FAM181B: variants seen among roughly 807,000 people sequenced by gnomAD.
FAM181B encodes protein FAM181B.
Under a neutral mutation model 17.8 loss-of-function variants are expected in FAM181B, and 13 were observed. That is an observed-to-expected ratio of 0.73 (90% CI 0.48 to 1.16). FAM181B has a LOEUF of 1.16. FAM181B is among the 50% of genes most tolerant of loss of function. The pLI is 0.00. For missense variants in FAM181B, 725 were observed against 634.1 expected (o/e 1.14, Z -1.54); for synonymous variants, 338 against 316.5 (o/e 1.07, Z -0.72).
Position 82,733,200 on chromosome 11 carries a change from C to G in FAM181B, c.530G>C (p.Gly177Ala). Residue 177 changes from glycine to alanine, a missense_variant, in exon 1 of 1, where the codon GGG (glycine) becomes GCG (alanine). Transcript: ENST00000329203. ...CTCACCCCCCGCCGGCTCGGCACCC[C>G]CGGGGACGTGGCGCAGCGAGTCGAA... is the stretch of plus-strand genomic sequence containing the variant. ...ALFDSLRHVP[G>A]GAEPAGGEVA... 2 of 1,325,630 alleles carry G rather than the reference C, an allele frequency of 1.5e-6. No individual in the cohort carries two copies. Among genetic ancestry groups the G allele is most frequent in the Non-Finnish European group, 1.9e-6 (2 of 1,045,984 alleles). The allele number at this position is 1,325,630 out of a possible 1,614,324, so 82.1% of individuals were successfully genotyped here. A position where few individuals can be genotyped will look rare whatever the true frequency, so the allele number is the denominator to read the frequency against.
Position 82,733,160 on chromosome 11 carries a change from C to T in FAM181B, c.570G>A (p.Ala190=). The change falls in exon 1 of 1, where the codon GCG becomes GCA. Residue 190 remains alanine (A), a synonymous_variant. Transcript: ENST00000329203. The part of the protein sequence containing the change: ...EPAGGEVAAP[A]AGLGGAGTGG... The stretch of plus-strand genomic sequence containing the variant: ...CAGTGCCCGCACCTCCTAGCCCGGC[C>T]GCCGGCGCAGCCACCTCACCCCCCG... The T allele has an allele frequency of 2.1e-6, 3 of 1,402,526 alleles. No homozygotes were observed. Among genetic ancestry groups the T allele is most frequent in the South Asian group, 3.1e-5 (2 of 63,846 alleles). 86.9% of individuals were successfully genotyped at this position (1,402,526 alleles called of 1,614,324 possible). A position where few individuals can be genotyped will look rare whatever the true frequency, so the allele number is the denominator to read the frequency against.
Position 82,732,939 on chromosome 11 carries a change from A to C in FAM181B, c.791T>G (p.Phe264Cys), listed in dbSNP as rs1857154455. ...DLEKGAEAVEFFELLGPDYGA... is the reference protein window; with the variant it reads ...DLEKGAEAVECFELLGPDYGA... ...GTAGTCGGGCCCCAGCAGCTCAAAG[A>C]ACTCCACGGCCTCCGCGCCCTTCTC... The change falls in exon 1 of 1, where the codon TTC becomes TGC. Residue 264 changes from phenylalanine (F) to cysteine (C), a missense_variant. Physicochemically the swap from Phe to Cys is radical, Grantham distance 205. Coordinates refer to ENST00000329203, the MANE Select transcript of FAM181B (RefSeq NM_175885.4). The C allele has an allele frequency of 6.3e-7, 1 of 1,576,436 alleles. No homozygotes were observed. The highest frequency in any genetic ancestry group is 8.6e-7 in the Non-Finnish European group (1 of 1,167,544).
In FAM181B at chr11:82,733,659, C is replaced by G; in HGVS notation, c.71G>C (p.Gly24Ala). 6.4e-7 allele frequency: 1 copy of G among 1,571,374 alleles called. No homozygotes were observed. The highest frequency in any genetic ancestry group is 8.6e-7 in the Non-Finnish European group (1 of 1,164,154). Residue 24 changes from glycine to alanine, a missense_variant, in exon 1 of 1, where the codon GGG becomes GCG. Gly to Ala is a moderately conservative substitution (Grantham distance 60). Coordinates refer to ENST00000329203, the MANE Select transcript of FAM181B (RefSeq NM_175885.4). ...VPFGFGGSPD[G>A]LGGAFGALDK... Reference sequence around the variant, plus strand: ...CAGGGCTCCGAAGGCGCCCCCTAGCCCGTCCGGGGAGCCCCCGAAGCCGAA... The same window carrying G: ...CAGGGCTCCGAAGGCGCCCCCTAGCGCGTCCGGGGAGCCCCCGAAGCCGAA...
chr11:82,730,366 A>C lies in FAM181B; in HGVS notation c.*2083T>G, dbSNP rs1857115183. The stretch of plus-strand genomic sequence containing the variant: ...AACGTATAGCAAGCAAAACAGTAGG[A>C]GAGAGATAACCTGTTTTACTACACT... On this transcript the variant is annotated 3_prime_UTR_variant, in exon 1 of 1. Coordinates refer to ENST00000329203, the MANE Select transcript of FAM181B (RefSeq NM_175885.4). The C allele has an allele frequency of 6.6e-6, 1 of 152,216 alleles. No homozygotes were observed. Among genetic ancestry groups the C allele is most frequent in the African/African-American group, 2.4e-5 (1 of 41,452 alleles). 9.4% of individuals were successfully genotyped at this position (152,216 alleles called of 1,614,324 possible). A position where few individuals can be genotyped will look rare whatever the true frequency, so the allele number is the denominator to read the frequency against.
rs1298350856 is a variant in FAM181B at position 82,733,418 on chromosome 11, G to A, written c.312C>T (p.Cys104=). 1.3e-6 allele frequency: 2 copies of A among 1,547,914 alleles called. No homozygotes were observed. The highest frequency in any genetic ancestry group is 3.9e-5 in the Admixed American group (2 of 51,782). The change falls in exon 1 of 1, where the codon TGC becomes TGT. Residue 104 remains cysteine, a synonymous_variant. Transcript: ENST00000329203. ...RKYLQKQIKR[C]SGLMGAAPPG... ...GGGGCGCGGCGCCCATGAGGCCGCT[G>A]CAGCGCTTGATCTGCTTCTGCAGGT...
rs1448002181 is a variant in FAM181B at position 82,733,654 on chromosome 11, C to T, written c.76G>A (p.Gly26Arg). 3.2e-6 allele frequency: 5 copies of T among 1,577,240 alleles called. No homozygotes were observed. The highest frequency in any genetic ancestry group is 4.3e-6 in the Non-Finnish European group (5 of 1,167,240). ...TTGTCCAGGGCTCCGAAGGCGCCCC[C>T]TAGCCCGTCCGGGGAGCCCCCGAAG... The part of the protein sequence containing the change: ...FGFGGSPDGL[G>R]GAFGALDKGC... Residue 26 changes from glycine to arginine, a missense_variant, in exon 1 of 1, where the codon GGG (glycine) becomes AGG (arginine). Physicochemically the swap from Gly to Arg is moderately radical, Grantham distance 125 (BLOSUM62 -2). Coordinates refer to ENST00000329203, the MANE Select transcript of FAM181B (RefSeq NM_175885.4).
chr11:82,733,148 T>C lies in FAM181B; in HGVS notation c.582A>G (p.Gly194=). 1.4e-6 allele frequency: 2 copies of C among 1,414,294 alleles called. No homozygotes were observed. The highest frequency in any genetic ancestry group is 1.8e-6 in the Non-Finnish European group (2 of 1,093,006). 87.6% of individuals were successfully genotyped at this position (1,414,294 alleles called of 1,614,324 possible). A position where few individuals can be genotyped will look rare whatever the true frequency, so the allele number is the denominator to read the frequency against. ...CTCCCGCGCCCCCAGTGCCCGCACC[T>C]CCTAGCCCGGCCGCCGGCGCAGCCA... is the stretch of plus-strand genomic sequence containing the variant. ...GEVAAPAAGL[G]GAGTGGAGGD... The change falls in exon 1 of 1, where the codon GGA becomes GGG. Residue 194 remains glycine, a synonymous_variant. Coordinates refer to ENST00000329203, the MANE Select transcript of FAM181B (RefSeq NM_175885.4).
In FAM181B at chr11:82,732,866, G is replaced by A. The variant is rs1379253083; in HGVS notation, c.864C>T (p.Asp288=). ...GTACGGAGGCTCCGGCGGGGAACAC[G>A]TCGAGAGGCTCGGCGGCAAGCAAGA... ...AAVLLAAEPL[D]VFPAGASVLR... Residue 288 remains aspartate, a synonymous_variant, in exon 1 of 1, where the codon GAC becomes GAT. Coordinates refer to ENST00000329203, the MANE Select transcript of FAM181B (RefSeq NM_175885.4). 6.5e-7 allele frequency: 1 copy of A among 1,542,570 alleles called. No homozygotes were observed.
rs1017232319 is a variant in FAM181B at position 82,733,731 on chromosome 11, G to A, written c.-2C>T. ...GAGGAGCGCCGCCTGCACCGCCATCGCCGCGGCTCCCGGGCTGTCCGCAGC... is the reference window on the plus strand; with the variant it reads ...GAGGAGCGCCGCCTGCACCGCCATCACCGCGGCTCCCGGGCTGTCCGCAGC... On this transcript the variant is annotated 5_prime_UTR_variant, in exon 1 of 1. Coordinates refer to ENST00000329203, the MANE Select transcript of FAM181B (RefSeq NM_175885.4). 9 of 1,411,054 alleles carry A rather than the reference G, an allele frequency of 6.4e-6. No homozygotes were observed. The highest frequency in any genetic ancestry group is 2.8e-5 in the Admixed American group (1 of 35,884). 87.4% of individuals were successfully genotyped at this position (1,411,054 alleles called of 1,614,324 possible).
Position 82,732,501 on chromosome 11 carries a change from G to C in FAM181B, c.1229C>G (p.Ser410Cys). The C allele has an allele frequency of 6.2e-7, 1 of 1,613,052 alleles. No individual in the cohort carries two copies. The highest frequency in any genetic ancestry group is 1.3e-5 in the African/African-American group (1 of 75,034). The change falls in exon 1 of 1, where the codon TCC (serine) becomes TGC (cysteine). Residue 410 changes from serine (S) to cysteine (C), a missense_variant. Coordinates refer to ENST00000329203, the MANE Select transcript of FAM181B (RefSeq NM_175885.4). ...CGGCGCCCCTTCCCAAACCCCGTCGGATCTCCAAAGGCTGGAATAGGCGGT... is the reference window on the plus strand; with the variant it reads ...CGGCGCCCCTTCCCAAACCCCGTCGCATCTCCAAAGGCTGGAATAGGCGGT... ...SRTAYSSLWR[S>C]DGVWEGAPGE... is the part of the protein sequence containing the mutation.
chr11:82,732,962 C>G lies in FAM181B; in HGVS notation c.768G>C (p.Glu256Asp). The G allele has an allele frequency of 6.3e-7, 1 of 1,574,840 alleles. No individual in the cohort carries two copies. Among genetic ancestry groups the G allele is most frequent in the Non-Finnish European group, 8.6e-7 (1 of 1,168,336 alleles). The change falls in exon 1 of 1, where the codon GAG (glutamate) becomes GAC (aspartate). Residue 256 changes from glutamate (E) to aspartate (D), a missense_variant. By Grantham distance (45) the Glu-to-Asp change is conservative (BLOSUM62 2). Coordinates refer to ENST00000329203, the MANE Select transcript of FAM181B (RefSeq NM_175885.4). The part of the protein sequence containing the change: ...SGPDVSLGDL[E>D]KGAEAVEFFE... ...AGAACTCCACGGCCTCCGCGCCCTT[C>G]TCCAGGTCGCCCAAGCTCACGTCCG...
rs1385276059 is a variant in FAM181B, at chr11:82,730,007, AC to A, written c.*2441del. 3 of 152,380 alleles carry A rather than the reference AC, an allele frequency of 2.0e-5. No individual in the cohort carries two copies. Among genetic ancestry groups the A allele is most frequent in the Admixed American group, 1.3e-4 (2 of 15,284 alleles). 9.4% of individuals were successfully genotyped at this position (152,380 alleles called of 1,614,324 possible). A position where few individuals can be genotyped will look rare whatever the true frequency, so the allele number is the denominator to read the frequency against. ...ATGGCTGGGAGGCCTCATGAAACTTACAATCATGGCAGAAGGTGAAGCAGCA... is the reference window on the plus strand; with the variant it reads ...ATGGCTGGGAGGCCTCATGAAACTTAAATCATGGCAGAAGGTGAAGCAGCA... On this transcript the variant is annotated 3_prime_UTR_variant, in exon 1 of 1. Coordinates refer to ENST00000329203, the MANE Select transcript of FAM181B (RefSeq NM_175885.4).
In FAM181B at chr11:82,733,556, G is replaced by A. The variant is rs759417811; in HGVS notation, c.174C>T (p.Asp58=). ...GALLSGAEGG[D]VREATRDLLS... is the part of the protein sequence containing the mutation. ...GTAGATCGCGGGTGGCCTCGCGCAC[G>A]TCCCCTCCTTCGGCTCCCGACAGCA... Residue 58 remains aspartate, a synonymous_variant, in exon 1 of 1, where the codon GAC becomes GAT. Coordinates refer to ENST00000329203, the MANE Select transcript of FAM181B (RefSeq NM_175885.4). 1 of 1,601,768 alleles carries A rather than the reference G, an allele frequency of 6.2e-7. No individual in the cohort carries two copies. Among genetic ancestry groups the A allele is most frequent in the South Asian group, 1.1e-5 (1 of 90,504 alleles).
At position 82,730,512 on chromosome 11, in the gene FAM181B, T is replaced by C. The variant is rs1857117158; in HGVS notation, c.*1937A>G. 6.6e-6 allele frequency: 1 copy of C among 152,154 alleles called. No individual in the cohort carries two copies. The allele number at this position is 152,154 out of a possible 1,614,324, so 9.4% of individuals were successfully genotyped here. On this transcript the variant is annotated 3_prime_UTR_variant, in exon 1 of 1. Transcript: ENST00000329203. ...GTATCCTGGATTGTATTCACAACAGTTTAGACAAATTAAATCGTTATTAAG... is the reference window on the plus strand; with the variant it reads ...GTATCCTGGATTGTATTCACAACAGCTTAGACAAATTAAATCGTTATTAAG...
Position 82,732,550 on chromosome 11 carries a change from C to A in FAM181B, c.1180G>T (p.Asp394Tyr). Residue 394 changes from aspartate to tyrosine, a missense_variant, in exon 1 of 1, where the codon GAT (aspartate) becomes TAT (tyrosine). Coordinates refer to ENST00000329203, the MANE Select transcript of FAM181B (RefSeq NM_175885.4). The part of the protein sequence containing the change: ...PPPPPHQVSY[D>Y]YSAGYSRTAY... ...GTGCGGCTGTAGCCCGCGCTGTAATCGTAGGACACCTGATGGGGCGGCGGC... is the reference window on the plus strand; with the variant it reads ...GTGCGGCTGTAGCCCGCGCTGTAATAGTAGGACACCTGATGGGGCGGCGGC... The A allele has an allele frequency of 6.2e-7, 1 of 1,611,562 alleles. No homozygotes were observed. The highest frequency in any genetic ancestry group is 2.2e-5 in the East Asian group (1 of 44,816).
Position 82,732,504 on chromosome 11 carries a change from C to T in FAM181B, c.1226G>A (p.Arg409Lys). The change falls in exon 1 of 1, where the codon AGA becomes AAA. Residue 409 changes from arginine (R) to lysine (K), a missense_variant. Arg to Lys is a conservative substitution (Grantham distance 26). Coordinates refer to ENST00000329203, the MANE Select transcript of FAM181B (RefSeq NM_175885.4). ...CGCCCCTTCCCAAACCCCGTCGGAT[C>T]TCCAAAGGCTGGAATAGGCGGTGCG... ...YSRTAYSSLW[R>K]SDGVWEGAPG... is the part of the protein sequence containing the mutation. 1 of 1,613,064 alleles carries T rather than the reference C, an allele frequency of 6.2e-7. No homozygotes were observed. Among genetic ancestry groups the T allele is most frequent in the South Asian group, 1.1e-5 (1 of 91,056 alleles).
At position 82,732,911 on chromosome 11, in the gene FAM181B, G is replaced by A; in HGVS notation, c.819C>T (p.Gly273=). The part of the protein sequence containing the change: ...EFFELLGPDY[G]AGTEAAVLLA... ...GCAAGACTGCCGCCTCCGTGCCGGCGCCGTAGTCGGGCCCCAGCAGCTCAA... is the reference window on the plus strand; with the variant it reads ...GCAAGACTGCCGCCTCCGTGCCGGCACCGTAGTCGGGCCCCAGCAGCTCAA... Residue 273 remains glycine, a synonymous_variant, in exon 1 of 1, where the codon GGC becomes GGT. Coordinates refer to ENST00000329203, the MANE Select transcript of FAM181B (RefSeq NM_175885.4). The A allele has an allele frequency of 1.3e-6, 2 of 1,556,540 alleles. No homozygotes were observed. Among genetic ancestry groups the A allele is most frequent in the Non-Finnish European group, 1.7e-6 (2 of 1,155,946 alleles).
In FAM181B at chr11:82,733,766, G is replaced by GCGCCCCCGCCAGCTCCTGCCCGC; in HGVS notation, c.-60_-38dup. The GCGCCCCCGCCAGCTCCTGCCCGC allele has an allele frequency of 7.7e-7, 1 of 1,300,294 alleles. No homozygotes were observed. Among genetic ancestry groups the GCGCCCCCGCCAGCTCCTGCCCGC allele is most frequent in the Non-Finnish European group, 9.8e-7 (1 of 1,024,706 alleles). 80.5% of individuals were successfully genotyped at this position (1,300,294 alleles called of 1,614,324 possible). On this transcript the variant is annotated 5_prime_UTR_variant, in exon 1 of 1. Coordinates refer to ENST00000329203, the MANE Select transcript of FAM181B (RefSeq NM_175885.4). ...CCGGGCTGTCCGCAGCGCTGCCCGT[G>GCGCCCCCGCCAGCTCCTGCCCGC]CGCCCCCGCCAGCTCCTGCCCGCCG...
At position 82,732,354 on chromosome 11, in the gene FAM181B, G is replaced by A. The variant is rs1591002058; in HGVS notation, c.*95C>T. 5 of 1,196,820 alleles carry A rather than the reference G, an allele frequency of 4.2e-6. No homozygotes were observed. Among genetic ancestry groups the A allele is most frequent in the Admixed American group, 5.6e-5 (2 of 35,538 alleles). 74.1% of individuals were successfully genotyped at this position (1,196,820 alleles called of 1,614,324 possible). On this transcript the variant is annotated 3_prime_UTR_variant, in exon 1 of 1. Transcript: ENST00000329203. Reference sequence around the variant, plus strand: ...TTTAAAAATCTGGTTTCATCTCCACGTGCATTTTCCCATCGTTCTTCAGAT... The same window carrying A: ...TTTAAAAATCTGGTTTCATCTCCACATGCATTTTCCCATCGTTCTTCAGAT...
Sources: gnomAD v4.1 joint callset for allele counts on GRCh38, gnomAD v4.1.1 for gene constraint, MANE v1.5 for transcripts, NCBI Gene and HGNC (gene_info 2026-07-23, HGNC 2026-07-21) for gene names.